PIBF1: variants seen among roughly 807,000 people sequenced by gnomAD.
PIBF1 encodes progesterone immunomodulatory binding factor 1.
In PIBF1, 90 loss-of-function variants were observed where a neutral mutation model predicts 112.5. The ratio of observed to expected loss-of-function variants is 0.80; its 90% CI spans 0.67 to 0.95. The LOEUF (loss-of-function observed/expected upper bound fraction) is 0.95, where lower values mean the gene tolerates loss of function less well. PIBF1 is among the 40% of genes least tolerant of loss of function. The probability of loss-of-function intolerance (pLI) is 0.00; values close to 1 mark genes in which losing one functional copy is unlikely to be tolerated. For missense variants in PIBF1, 915 were observed against 852.3 expected (o/e 1.07, Z -0.92); for synonymous variants, 301 against 288.6 (o/e 1.04, Z -0.44).
intron 5 of PIBF1, among the ~76,000 whole-genome samples, chr13:72,813,699 A>T (rs569333003): frequency 2.8e-4 from 43 of 152,280 alleles, no homozygotes; most frequent in Admixed American, 1.2e-3. Flanking sequence ...AAACTTAAAG[A>T]CTTCTTAGGA....
At chr13:72,859,704 A>G (rs1368307616) in intron 10 of PIBF1, among the ~76,000 whole-genome samples, 1 of 152,168 alleles carries the variant, frequency 6.6e-6, no homozygotes, top group African/African-American at 2.4e-5. Flanking sequence ...ATAGGCTTAG[A>G]TGTGAAATGT....
intron 2 of PIBF1, among the ~76,000 whole-genome samples, chr13:72,790,542 GATA>G (rs2034868360): frequency 6.7e-6 from 1 of 149,766 alleles, no homozygotes; most frequent in Admixed American, 6.6e-5. Flanking sequence ...TAGATAGATA[GATA>G]GATAGATAGA....
At chr13:72,975,825 C>A (rs528889684) in intron 16 of PIBF1, among the ~76,000 whole-genome samples, 128 of 152,326 alleles carry the variant, frequency 8.4e-4, no homozygotes, top group African/African-American at 3.0e-3. Context: ...AAACCTGATT[C>A]ATTCACTATG....
chr13:73,013,883 G>A lies in PIBF1; in HGVS notation c.2224-1986G>A, dbSNP rs76740963. On this transcript the variant is annotated intron_variant, in intron 17 of 17. Coordinates refer to ENST00000326291, the MANE Select transcript of PIBF1 (RefSeq NM_006346.4). ...GAAAGAGTGGAGTGAAACATTTAAC[G>A]TTATGAAAGAACAAAACCACCAACC... 6.9e-3 allele frequency among the ~76,000 whole-genome samples: 1,051 copies of A among 152,002 alleles called. 16 individuals carry two copies. Among genetic ancestry groups the A allele is most frequent in the African/African-American group, 0.024 (980 of 41,460 alleles).
chr13:72,787,117 G>A (rs1190868939), intron 2 of PIBF1, among the ~76,000 whole-genome samples: 1 of 152,038 alleles, frequency 6.6e-6, no homozygotes, highest in Non-Finnish European at 1.5e-5. Context: ...GTATATATAT[G>A]TTTACTTCTT....
intron 16 of PIBF1, among the ~76,000 whole-genome samples, chr13:72,975,020 T>G (rs982698881): frequency 6.6e-6 from 1 of 152,126 alleles, no homozygotes; most frequent in Non-Finnish European, 1.5e-5. Flanking sequence ...TTAGCCATCT[T>G]TTTACCATTT....
At chr13:72,798,649 A>G (rs1325963473) in intron 5 of PIBF1, among the ~76,000 whole-genome samples, 1 of 152,182 alleles carries the variant, frequency 6.6e-6, no homozygotes. Context: ...CTAATCATTA[A>G]CTTGGTTGTA....
intron 5 of PIBF1, among the ~76,000 whole-genome samples, chr13:72,819,229 A>G (rs995868705): frequency 2.0e-5 from 3 of 152,106 alleles, no homozygotes; most frequent in African/African-American, 7.2e-5. Context: ...AGCTATCTAA[A>G]TTATTCAAGT....
intron 13 of PIBF1, among the ~76,000 whole-genome samples, chr13:72,918,366 G>A (rs1266409554): frequency 7.4e-5 from 11 of 149,230 alleles, no homozygotes; most frequent in Non-Finnish European, 1.0e-4. Flanking sequence ...AAAGTTCTTC[G>A]AGGTCAGCAA....
At position 72,821,967 on chromosome 13, in the gene PIBF1, A is replaced by C. The variant is rs2036578082; in HGVS notation, c.791A>C (p.Tyr264Ser). 2 of 1,611,542 alleles carry C rather than the reference A, an allele frequency of 1.2e-6. No homozygotes were observed. Among genetic ancestry groups the C allele is most frequent in the Non-Finnish European group, 1.7e-6 (2 of 1,178,924 alleles). Residue 264 changes from tyrosine (Y) to serine (S), a missense_variant, in exon 6 of 18, where the codon TAT (tyrosine) becomes TCT (serine). Coordinates refer to ENST00000326291, the MANE Select transcript of PIBF1 (RefSeq NM_006346.4). ...CAAGGTGACTACCGTCAAGAGAACT[A>C]TGATAAAGTCAAGAGGTAAGTAGTT... is the stretch of plus-strand genomic sequence containing the variant. ...IQQGDYRQEN[Y>S]DKVKSERDAL...
chr13:72,909,720 G>A (rs971245372), intron 12 of PIBF1, among the ~76,000 whole-genome samples: 2 of 151,888 alleles, frequency 1.3e-5, no homozygotes, highest in East Asian at 1.9e-4. Flanking sequence ...TCAAACTCCC[G>A]ACCTCAGGTG....
intron 16 of PIBF1, among the ~76,000 whole-genome samples, chr13:72,981,251 C>CA (rs923089853): frequency 4.0e-4 from 55 of 139,220 alleles, no homozygotes; most frequent in Admixed American, 1.7e-3. Flanking sequence ...GACTCTGTCT[C>CA]AAAAAAAATA....
At position 72,865,579 on chromosome 13, in the gene PIBF1, TTAAAAGTTCA is replaced by T. The variant is rs199641935; in HGVS notation, c.1322+11430_1322+11439del. On this transcript the variant is annotated intron_variant, in intron 10 of 17. Transcript: ENST00000326291. ...ACTGTGTCTTATTATTTTTAACACT[TTAAAAGTTCA>T]TAAAAATTTAGTTTGAAAAATGCTT... is the stretch of plus-strand genomic sequence containing the variant. Among the ~76,000 whole-genome samples the T allele has an allele frequency of 7.6e-3, 1,153 of 152,324 alleles. 12 individuals are homozygous for T. Among genetic ancestry groups the T allele is most frequent in the Middle Eastern group, 0.014 (4 of 294 alleles).
At chr13:72,854,589 C>T (rs2038325798) in intron 10 of PIBF1, among the ~76,000 whole-genome samples, 1 of 152,120 alleles carries the variant, frequency 6.6e-6, no homozygotes, top group South Asian at 2.1e-4. Context: ...CTTGTTGTTG[C>T]TGAGTATGAA....
chr13:72,944,373 G>C (rs1230548032), intron 14 of PIBF1, among the ~76,000 whole-genome samples: 3 of 151,772 alleles, frequency 2.0e-5, no homozygotes, highest in African/African-American at 7.3e-5. Context: ...GTTGAACCCA[G>C]GAGGCAGAGG....
chr13:73,003,937 C>T (rs901363741), intron 17 of PIBF1, among the ~76,000 whole-genome samples: 1 of 151,924 alleles, frequency 6.6e-6, no homozygotes, highest in African/African-American at 2.4e-5. Flanking sequence ...TCTTGAACTC[C>T]TGGGCTCAAG....
chr13:73,011,253 T>A (rs1451953788), intron 17 of PIBF1, among the ~76,000 whole-genome samples: 2 of 152,180 alleles, frequency 1.3e-5, no homozygotes, highest in Non-Finnish European at 2.9e-5. Flanking sequence ...TGGGAACCAG[T>A]GCTGGGGTAG....
intron 17 of PIBF1, among the ~76,000 whole-genome samples, chr13:73,012,031 T>G (rs1384535016): frequency 3.3e-5 from 5 of 151,986 alleles, no homozygotes; most frequent in African/African-American, 1.2e-4. Context: ...GGAGAAATAC[T>G]AGAGATCAAA....
At chr13:72,874,523 AG>A (rs1410428353) in intron 10 of PIBF1, among the ~76,000 whole-genome samples, 5 of 152,216 alleles carry the variant, frequency 3.3e-5, no homozygotes, top group African/African-American at 1.2e-4. Flanking sequence ...ATAATAGAAA[AG>A]GCAAAACTAA....
Sources: gnomAD v4.1 joint callset for allele counts (sites outside exome capture counted in the v4.1 genomes callset) on GRCh38, gnomAD v4.1.1 for gene constraint, MANE v1.5 for transcripts, NCBI Gene and HGNC (gene_info 2026-07-23, HGNC 2026-07-21) for gene names.